GLI2: variants seen among roughly 807,000 people sequenced by gnomAD.
The protein encoded by GLI2 is transcription activator GLI2.
Under a neutral mutation model 78.9 loss-of-function variants are expected in GLI2, and 22 were observed. That is an observed-to-expected ratio of 0.28 (90% CI 0.20 to 0.40). GLI2 has a LOEUF of 0.40. Among genes scored for constraint, GLI2 ranks in the 10% least tolerant of loss-of-function variants. The pLI is 1.00. For synonymous variants in GLI2, 974 were observed against 963.7 expected, an observed-to-expected ratio of 1.01 and a Z score of -0.20; for missense variants, 2,097 against 2,213.2, an observed-to-expected ratio of 0.95 and a Z score of 1.05.
Position 120,989,607 on chromosome 2 carries a change from C to A in GLI2, c.3642C>A (p.Gly1214=). 1 of 1,611,504 alleles carries A rather than the reference C, an allele frequency of 6.2e-7. No individual in the cohort carries two copies. The highest frequency in any genetic ancestry group is 8.5e-7 in the Non-Finnish European group (1 of 1,179,626). ...YMQQLRQPVA[G]SQCPGMTTTM... ...AGCAGCTGCGACAGCCAGTGGCAGG[C>A]AGCCAGTGTCCTGGCATGACTACCA... Residue 1214 remains glycine, a synonymous_variant, in exon 14 of 14, where the codon GGC becomes GGA. Transcript: ENST00000361492.
intron 10 of GLI2, among the ~76,000 whole-genome samples, chr2:120,979,836 TCTG>T (rs1558932976): frequency 6.6e-6 from 1 of 152,212 alleles, no homozygotes; most frequent in Non-Finnish European, 1.5e-5. Context: ...CAATTACTAA[TCTG>T]CTTTCTGTCT....
intron 2 of GLI2, among the ~76,000 whole-genome samples, chr2:120,826,359 G>A (rs1558818793): frequency 1.3e-5 from 2 of 152,180 alleles, no homozygotes; most frequent in Non-Finnish European, 2.9e-5. Flanking sequence ...CTCCAGAGCT[G>A]GAGTTTTTAT....
intron 4 of GLI2, chr2:120,951,751 C>T: frequency 3.2e-6 from 1 of 310,712 alleles, no homozygotes; most frequent in Non-Finnish European, 5.9e-6. Flanking sequence ...CCAAAGCCTG[C>T]AGAAGCTGGT....
rs753310547 is a variant in GLI2 at position 120,955,232 on chromosome 2, C to T, written c.458-13C>T. 4 of 1,557,260 alleles carry T rather than the reference C, an allele frequency of 2.6e-6. No homozygotes were observed. In the South Asian group the frequency reaches 3.3e-5, roughly 13 times the overall value. On this transcript the variant is annotated splice_polypyrimidine_tract_variant and intron_variant, in intron 4 of 13. Transcript: ENST00000361492. ...AGGTTCTGACGGCTTCTTTCTCTCC[C>T]CTCTGCCCACAGTGGCCCAGGAGCA...
intron 5 of GLI2, among the ~76,000 whole-genome samples, chr2:120,961,007 A>G (rs1380459419): frequency 6.6e-6 from 1 of 152,188 alleles, no homozygotes; most frequent in East Asian, 1.9e-4. Flanking sequence ...TGGAGAGCGG[A>G]GAATTCACTG....
intron 7 of GLI2, 29 bp downstream of exon 7, chr2:120,970,635 A>C: frequency 6.5e-7 from 1 of 1,535,066 alleles, no homozygotes; most frequent in Non-Finnish European, 9.0e-7. Flanking sequence ...CAGGATGGCC[A>C]CTGGGTACTC....
At chr2:120,936,004 G>A (rs141129462) in intron 3 of GLI2, among the ~76,000 whole-genome samples, 1 of 151,904 alleles carries the variant, frequency 6.6e-6, no homozygotes, top group Non-Finnish European at 1.5e-5. Flanking sequence ...GCCGAGGTGG[G>A]CGTGCAGTGG....
chr2:120,823,831 A>G (rs1446253921), intron 2 of GLI2, among the ~76,000 whole-genome samples: 1 of 152,202 alleles, frequency 6.6e-6, no homozygotes, highest in Non-Finnish European at 1.5e-5. Flanking sequence ...GCGAAGGCGC[A>G]GTACCATGCA....
intron 1 of GLI2, among the ~76,000 whole-genome samples, chr2:120,788,768 A>T (rs1228235747): frequency 6.6e-6 from 1 of 152,036 alleles, no homozygotes; most frequent in Non-Finnish European, 1.5e-5. Flanking sequence ...TAGGATGGGG[A>T]TTTTGTATGG....
intron 1 of GLI2, among the ~76,000 whole-genome samples, chr2:120,769,502 G>A (rs1202323441): frequency 6.6e-6 from 1 of 152,204 alleles, no homozygotes; most frequent in African/African-American, 2.4e-5. Flanking sequence ...ACCTGGCCCA[G>A]CGCTCCCAGC....
At chr2:120,826,925 A>G (rs1686092838) in intron 2 of GLI2, among the ~76,000 whole-genome samples, 1 of 152,096 alleles carries the variant, frequency 6.6e-6, no homozygotes, top group South Asian at 2.1e-4. Flanking sequence ...CCAGCCTGCC[A>G]CATCTCCCCA....
chr2:120,763,712 C>A (rs550054586), intron 1 of GLI2, among the ~76,000 whole-genome samples: 14 of 152,352 alleles, frequency 9.2e-5, no homozygotes, highest in African/African-American at 3.4e-4. Context: ...CTGTAGCCAT[C>A]GTGCCCTCTT....
At chr2:120,760,879 C>T (rs532274754) in intron 1 of GLI2, among the ~76,000 whole-genome samples, 10 of 152,268 alleles carry the variant, frequency 6.6e-5, no homozygotes, top group South Asian at 2.1e-4. Context: ...AAGCCTGTCC[C>T]GAGAAGGTTC....
chr2:120,759,050 C>T (rs1215367088), intron 1 of GLI2, among the ~76,000 whole-genome samples: 2 of 152,148 alleles, frequency 1.3e-5, no homozygotes, highest in African/African-American at 2.4e-5. Context: ...TCCTTTTGCT[C>T]ATGGAGCTGT....
At chr2:120,755,525 C>T (rs1035302273) in intron 1 of GLI2, among the ~76,000 whole-genome samples, 1 of 151,944 alleles carries the variant, frequency 6.6e-6, no homozygotes, top group Admixed American at 6.6e-5. Context: ...GATATCCCAG[C>T]CTGTGGCTTA....
At chr2:120,921,677 C>T (rs1679387418) in intron 2 of GLI2, among the ~76,000 whole-genome samples, 2 of 152,140 alleles carry the variant, frequency 1.3e-5, no homozygotes, top group South Asian at 4.1e-4. Context: ...GCACCACTGC[C>T]CCACAGCACT....
rs78025184 is a variant in GLI2 at position 120,850,271 on chromosome 2, G to A, written c.148+52803G>A. On this transcript the variant is annotated intron_variant, in intron 2 of 13. Transcript: ENST00000361492. ...TTCAAATAACCAAGAATAAAGTAAC[G>A]CTTCTGAAAACTTCTAGAGAAGGGG... Among the ~76,000 whole-genome samples, 49 of 151,546 alleles carry A rather than the reference G, an allele frequency of 3.2e-4. No homozygotes were observed. The East Asian group carries it at 8.8e-3, about 27-fold the overall frequency.
intron 2 of GLI2, among the ~76,000 whole-genome samples, chr2:120,840,173 G>A (rs1000440172): frequency 3.9e-5 from 6 of 152,150 alleles, no homozygotes; most frequent in Non-Finnish European, 7.3e-5. Context: ...TAGGATCCAC[G>A]TCTTTGTACA....
At chr2:120,940,052 T>C (rs1459443212) in intron 3 of GLI2, among the ~76,000 whole-genome samples, 2 of 152,262 alleles carry the variant, frequency 1.3e-5, no homozygotes, top group Admixed American at 6.5e-5. Context: ...CACATGCTTA[T>C]GGGCCACTAA....
Sources: gnomAD v4.1 joint callset for allele counts (sites outside exome capture counted in the v4.1 genomes callset) on GRCh38, gnomAD v4.1.1 for gene constraint, MANE v1.5 for transcripts, NCBI Gene and HGNC (gene_info 2026-07-23, HGNC 2026-07-21) for gene names.